Variants in RANBP2 observed in about 807,000 individuals in gnomAD.
RANBP2 encodes the protein E3 SUMO-protein ligase RanBP2.
Under a neutral mutation model 303.6 loss-of-function variants are expected in RANBP2, and 57 were observed. The ratio of observed to expected loss-of-function variants is 0.19; its 90% CI spans 0.15 to 0.23. RANBP2 has a LOEUF of 0.23. RANBP2 is among the 10% of genes least tolerant of loss of function. RANBP2 has a pLI of 1.00. For synonymous variants in RANBP2, 1,167 were observed against 1,301.5 expected (o/e 0.90, Z 2.23); for missense variants, 3,138 against 3,780.8 (o/e 0.83, Z 4.46).
the RANBP2 span, among the ~76,000 whole-genome samples, chr2:108,892,793 T>A: frequency 1.3e-5 from 2 of 152,236 alleles, no homozygotes; most frequent in Non-Finnish European, 2.9e-5. Flanking sequence ...TGATCCTGGC[T>A]AGGCAGGCTG....
the RANBP2 span, among the ~76,000 whole-genome samples, chr2:109,083,929 A>C: frequency 6.6e-6 from 1 of 152,100 alleles, no homozygotes; most frequent in Non-Finnish European, 1.5e-5. Flanking sequence ...CCAGTAGCCA[A>C]TCAGCTGCAT....
chr2:108,943,251 G>T, the RANBP2 span, among the ~76,000 whole-genome samples: 1 of 152,206 alleles, frequency 6.6e-6, no homozygotes, highest in Admixed American at 6.5e-5. Context: ...GAGGTACCTA[G>T]CTAGAGCACC....
the RANBP2 span, among the ~76,000 whole-genome samples, chr2:109,687,708 A>T: frequency 5.3e-5 from 8 of 151,500 alleles, no homozygotes; most frequent in South Asian, 1.7e-3. Context: ...ATCCAGCCAC[A>T]GAACTGCCTT....
intron 20 of RANBP2, among the ~76,000 whole-genome samples, chr2:108,770,310 T>TA (rs1161060245): frequency 2.6e-5 from 4 of 152,260 alleles, no homozygotes; most frequent in Admixed American, 2.0e-4. Flanking sequence ...ATCTGTATCT[T>TA]ACGGTGTACT....
At chr2:109,050,970 T>C in the RANBP2 span, among the ~76,000 whole-genome samples, 4 of 152,178 alleles carry the variant, frequency 2.6e-5, no homozygotes, top group South Asian at 6.2e-4. Context: ...AAACATCTGA[T>C]GATTTAGCCA....
At chr2:109,199,251 G>A in the RANBP2 span, among the ~76,000 whole-genome samples, 1 of 92,016 alleles carries the variant, frequency 1.1e-5, no homozygotes, top group Non-Finnish European at 2.4e-5. Context: ...CCCAGCTACG[G>A]GAGGTGCTTG....
chr2:109,347,593 C>G, the RANBP2 span: 1 of 1,522,624 alleles, frequency 6.6e-7, no homozygotes, highest in Non-Finnish European at 8.8e-7. Flanking sequence ...CCCTGAGAAG[C>G]CCCGGCCTGC....
the RANBP2 span, among the ~76,000 whole-genome samples, chr2:109,147,919 C>T: frequency 6.6e-6 from 1 of 152,210 alleles, no homozygotes; most frequent in African/African-American, 2.4e-5. Flanking sequence ...ATTGGCAGTT[C>T]ATCTCTTTAA....
chr2:109,345,030 T>C, the RANBP2 span, among the ~76,000 whole-genome samples: 1 of 152,130 alleles, frequency 6.6e-6, no homozygotes, highest in African/African-American at 2.4e-5. Flanking sequence ...CTGATACCAG[T>C]GAGGCCATGG....
chr2:109,281,592 C>A, the RANBP2 span, among the ~76,000 whole-genome samples: 1 of 152,240 alleles, frequency 6.6e-6, no homozygotes, highest in East Asian at 1.9e-4. Context: ...CCTCTGGGAT[C>A]GAGCTCCAGG....
At chr2:109,715,576 C>G in the RANBP2 span, among the ~76,000 whole-genome samples, 1 of 152,162 alleles carries the variant, frequency 6.6e-6, no homozygotes, top group East Asian at 1.9e-4. Context: ...GCCACTCTCC[C>G]AGCACCTCCA....
chr2:109,603,554 T>C, the RANBP2 span, among the ~76,000 whole-genome samples: 1 of 152,134 alleles, frequency 6.6e-6, no homozygotes, highest in African/African-American at 2.4e-5. Flanking sequence ...ATATTATTTT[T>C]AAAGCCTTAC....
chr2:109,544,795 T>A, the RANBP2 span: 1 of 776,136 alleles, frequency 1.3e-6, no homozygotes, highest in Non-Finnish European at 1.6e-6. Context: ...TCAAAAATAA[T>A]TGCATGCCTA....
At chr2:108,857,804 T>C in the RANBP2 span, among the ~76,000 whole-genome samples, 1 of 152,136 alleles carries the variant, frequency 6.6e-6, no homozygotes, top group South Asian at 2.1e-4. Flanking sequence ...TTCACAGGGA[T>C]TTTTCTTTTA....
At chr2:109,096,434 T>G in the RANBP2 span, among the ~76,000 whole-genome samples, 1 of 152,218 alleles carries the variant, frequency 6.6e-6, no homozygotes, top group African/African-American at 2.4e-5. Flanking sequence ...TTGTCAATTG[T>G]GTCTTTGACT....
chr2:108,815,461 GTTTTT>G, the RANBP2 span, among the ~76,000 whole-genome samples: 24 of 70,740 alleles, frequency 3.4e-4, no homozygotes, highest in African/African-American at 1.2e-3. Flanking sequence ...GGTTTTTGGT[GTTTTT>G]TTTTTTTTTT....
At chr2:109,218,293 C>G in the RANBP2 span, among the ~76,000 whole-genome samples, 1 of 152,168 alleles carries the variant, frequency 6.6e-6, no homozygotes. Context: ...CTCTCTTGCC[C>G]CCGTTTTTGT....
chr2:109,283,950 C>G, the RANBP2 span, among the ~76,000 whole-genome samples: 3 of 152,188 alleles, frequency 2.0e-5, no homozygotes, highest in Non-Finnish European at 4.4e-5. Flanking sequence ...CGTGTTTCCG[C>G]CTCCCTCCTG....
At chr2:109,259,170 A>G in the RANBP2 span, among the ~76,000 whole-genome samples, 1 of 152,232 alleles carries the variant, frequency 6.6e-6, no homozygotes. Context: ...TACTTACAAA[A>G]GCCGGGTTGA....
Sources: gnomAD v4.1 joint callset for allele counts (sites outside exome capture counted in the v4.1 genomes callset) on GRCh38, gnomAD v4.1.1 for gene constraint, MANE v1.5 for transcripts, NCBI Gene and HGNC (gene_info 2026-07-23, HGNC 2026-07-21) for gene names.